The following ELMOD1 variants were observed in gnomAD, a reference collection of about 807,000 sequenced individuals.
The protein encoded by ELMOD1 is ELMO domain-containing protein 1.
ELMOD1 carries 21 observed loss-of-function variants against 46.7 expected under a neutral mutation model. The observed-to-expected ratio is 0.45, with a 90% CI of 0.32 to 0.65. ELMOD1 has a LOEUF of 0.65. Ranked by LOEUF, ELMOD1 falls within the 30% of genes least tolerant of loss-of-function variation. The pLI, the probability that ELMOD1 is intolerant of heterozygous loss-of-function variation, is 0.04. For synonymous variants in ELMOD1, 122 were observed against 138.2 expected, an observed-to-expected ratio of 0.88 and a Z score of 0.82; for missense variants, 348 against 407.8, an observed-to-expected ratio of 0.85 and a Z score of 1.26.
At position 107,665,151 on chromosome 11, in the gene ELMOD1, C is replaced by A. The variant is rs761156731; in HGVS notation, c.959C>A (p.Ala320Glu). Residue 320 changes from alanine to glutamate, a missense_variant, in exon 12 of 12, where the codon GCG becomes GAG. Transcript: ENST00000265840. ...AAACAGCTGCAGAACCCAGACATGGCGCTGTGCCCACATTTTGCTGCCTCG... is the reference window on the plus strand; with the variant it reads ...AAACAGCTGCAGAACCCAGACATGGAGCTGTGCCCACATTTTGCTGCCTCG... The part of the protein sequence containing the change: ...IIKQLQNPDM[A>E]LCPHFAASEG... The A allele has an allele frequency of 1.9e-6, 3 of 1,613,898 alleles. No individual in the cohort carries two copies. The highest frequency in any genetic ancestry group is 2.5e-6 in the Non-Finnish European group (3 of 1,179,864).
At chr11:107,644,646 T>G (rs1381760515) in intron 6 of ELMOD1, among the ~76,000 whole-genome samples, 1 of 151,800 alleles carries the variant, frequency 6.6e-6, no homozygotes, top group African/African-American at 2.4e-5. Context: ...GGCTTATTTT[T>G]TGTATTTTTA....
At chr11:107,634,786 T>A (rs1157904964) in intron 5 of ELMOD1, among the ~76,000 whole-genome samples, 2 of 151,944 alleles carry the variant, frequency 1.3e-5, no homozygotes, top group Non-Finnish European at 2.9e-5. Context: ...AAATAAGATG[T>A]CCCATGAGAG....
rs1866818572 is a variant in ELMOD1, at chr11:107,665,070, C to G, written c.878C>G (p.Pro293Arg). The G allele has an allele frequency of 6.2e-7, 1 of 1,613,784 alleles. No homozygotes were observed. Among genetic ancestry groups the G allele is most frequent in the Non-Finnish European group, 8.5e-7 (1 of 1,179,832 alleles). Residue 293 changes from proline (P) to arginine (R), a missense_variant, in exon 12 of 12, where the codon CCC (proline) becomes CGC (arginine). Transcript: ENST00000265840. ...EFHKFWIEED[P>R]MDIMEFNRVR... ...CATAAGTTTTGGATCGAAGAGGACC[C>G]CATGGACATAATGGAATTTAATCGT...
In ELMOD1 at chr11:107,642,390, A is replaced by T. The variant is rs186153184; in HGVS notation, c.421-5078A>T. Among the ~76,000 whole-genome samples, 466 of 151,812 alleles carry T rather than the reference A, an allele frequency of 3.1e-3. 4 individuals are homozygous for T. The highest frequency in any genetic ancestry group is 0.011 in the African/African-American group (438 of 41,372). On this transcript the variant is annotated intron_variant, in intron 6 of 11. Transcript: ENST00000265840. ...TCTTATTTACTTATTTATTTTTGAG[A>T]TGGAGTCTCACTCTGTCACCCAGGC...
intron 2 of ELMOD1, among the ~76,000 whole-genome samples, chr11:107,628,691 A>G (rs1273754328): frequency 1.3e-5 from 2 of 151,832 alleles, no homozygotes; most frequent in African/African-American, 4.8e-5. Flanking sequence ...CTGACTATAC[A>G]TGGAAATTTT....
intron 6 of ELMOD1, among the ~76,000 whole-genome samples, chr11:107,646,660 A>C (rs985296236): frequency 6.6e-6 from 1 of 152,050 alleles, no homozygotes; most frequent in African/African-American, 2.4e-5. Context: ...ACTTGAACCC[A>C]GGAGGTGGAG....
intron 1 of ELMOD1, 86 bp downstream of exon 1, chr11:107,591,495 C>G (rs1349760701): frequency 9.7e-6 from 2 of 205,242 alleles, no homozygotes; most frequent in East Asian, 3.1e-4. Context: ...CGAGGCATCA[C>G]GCAAGCTGCG....
chr11:107,624,947 T>C (rs1382262474), intron 2 of ELMOD1, among the ~76,000 whole-genome samples: 1 of 152,188 alleles, frequency 6.6e-6, no homozygotes. Context: ...TAGTGTGATC[T>C]CTTCAGAAAA....
At chr11:107,625,083 G>A (rs1398563010) in intron 2 of ELMOD1, among the ~76,000 whole-genome samples, 2 of 152,144 alleles carry the variant, frequency 1.3e-5, no homozygotes, top group South Asian at 4.1e-4. Flanking sequence ...TTCTTTGTGT[G>A]ATTTCACATT....
At position 107,656,489 on chromosome 11, in the gene ELMOD1, G is replaced by T. The variant is rs934245400; in HGVS notation, c.832+423G>T. On this transcript the variant is annotated intron_variant, in intron 11 of 11. Coordinates refer to ENST00000265840, the MANE Select transcript of ELMOD1 (RefSeq NM_018712.4). ...ATGTATTTTATATATATAATATAGAGAGAGAGAGAAAGAGAAAGAGAGAGA... is the reference window on the plus strand; with the variant it reads ...ATGTATTTTATATATATAATATAGATAGAGAGAGAAAGAGAAAGAGAGAGA... Among the ~76,000 whole-genome samples the T allele has an allele frequency of 2.9e-4, 44 of 149,370 alleles. 1 individual carries two copies. The highest frequency in any genetic ancestry group is 1.1e-3 in the African/African-American group (43 of 40,818).
rs533307606 is a variant in ELMOD1 at position 107,666,432 on chromosome 11, G to A, written c.*1235G>A. 1.3e-5 allele frequency: 2 copies of A among 152,636 alleles called. No individual in the cohort carries two copies. Among genetic ancestry groups the A allele is most frequent in the East Asian group, 1.9e-4 (1 of 5,186 alleles). The allele number at this position is 152,636 out of a possible 1,614,324, so 9.5% of individuals were successfully genotyped here. A position where few individuals can be genotyped will look rare whatever the true frequency, so the allele number is the denominator to read the frequency against. On this transcript the variant is annotated 3_prime_UTR_variant, in exon 12 of 12. Transcript: ENST00000265840. ...ATTAAAAAACAATTTGCAAGAAAAT[G>A]TGTTTCAAGAGAGCAACCTAAGCTA... is the stretch of plus-strand genomic sequence containing the variant.
chr11:107,623,359 C>G (rs531322758), intron 2 of ELMOD1: 1 of 152,248 alleles, frequency 6.6e-6, no homozygotes, highest in African/African-American at 2.4e-5. Context: ...AGCTGGATCA[C>G]GTACATCCCA....
chr11:107,631,928 C>A (rs1866148435), intron 5 of ELMOD1, among the ~76,000 whole-genome samples: 1 of 152,148 alleles, frequency 6.6e-6, no homozygotes, highest in African/African-American at 2.4e-5. Context: ...GTTGAGTGCC[C>A]CGATAGAGAA....
At chr11:107,664,445 G>A (rs562287141) in intron 11 of ELMOD1, among the ~76,000 whole-genome samples, 1 of 152,116 alleles carries the variant, frequency 6.6e-6, no homozygotes, top group Non-Finnish European at 1.5e-5. Flanking sequence ...GACACCAAAG[G>A]ATTTGAATAT....
At chr11:107,599,832 C>A (rs959598449) in intron 1 of ELMOD1, among the ~76,000 whole-genome samples, 1 of 148,942 alleles carries the variant, frequency 6.7e-6, no homozygotes, top group Non-Finnish European at 1.5e-5. Flanking sequence ...TTCAAAAAGA[C>A]CCTAAGAGAA....
chr11:107,601,957 G>C (rs1865607499), intron 1 of ELMOD1, among the ~76,000 whole-genome samples: 1 of 152,022 alleles, frequency 6.6e-6, no homozygotes, highest in South Asian at 2.1e-4. Context: ...CCTTTCTCCA[G>C]TATGGGATTT....
chr11:107,602,442 A>G (rs781146971), intron 1 of ELMOD1, among the ~76,000 whole-genome samples: 1 of 152,084 alleles, frequency 6.6e-6, no homozygotes, highest in Non-Finnish European at 1.5e-5. Flanking sequence ...CTTTCTCTCT[A>G]GAATATCTGT....
intron 6 of ELMOD1, among the ~76,000 whole-genome samples, chr11:107,640,340 A>C (rs192463305): frequency 1.3e-5 from 2 of 152,218 alleles, no homozygotes; most frequent in African/African-American, 4.8e-5. Flanking sequence ...AAAAATTACT[A>C]TTCCCATTGG....
intron 11 of ELMOD1, among the ~76,000 whole-genome samples, chr11:107,659,642 G>A (rs1467262061): frequency 7.4e-6 from 1 of 135,998 alleles, no homozygotes; most frequent in Non-Finnish European, 1.5e-5. Flanking sequence ...CTAGAGGGGG[G>A]TTGGGTGGGT....
Sources: allele counts gnomAD v4.1 joint callset (sites outside exome capture counted in the v4.1 genomes callset), GRCh38; gene constraint gnomAD v4.1.1; transcripts MANE v1.5; gene names NCBI Gene and HGNC (gene_info 2026-07-23, HGNC 2026-07-21).